TPD52L2: variants seen among roughly 807,000 people sequenced by gnomAD.
The protein encoded by TPD52L2 is TPD52 like 2, also known as tumor protein D54.
TPD52L2 carries 19 observed loss-of-function variants against 24.7 expected under a neutral mutation model. The ratio of observed to expected loss-of-function variants is 0.77; its 90% CI spans 0.54 to 1.13. The LOEUF (loss-of-function observed/expected upper bound fraction) is 1.13, where lower values mean the gene tolerates loss of function less well. Ranked by LOEUF, TPD52L2 falls within the 50% of genes most tolerant of loss-of-function variation. The pLI is 0.00. For synonymous variants in TPD52L2, 104 were observed against 100.2 expected (o/e 1.04, Z -0.23); for missense variants, 236 against 250.4 (o/e 0.94, Z 0.39).
chr20:63,869,412 G>A lies in TPD52L2; in HGVS notation c.136G>A (p.Glu46Lys). 1.9e-6 allele frequency: 3 copies of A among 1,614,218 alleles called. No individual in the cohort carries two copies. Among genetic ancestry groups the A allele is most frequent in the South Asian group, 1.1e-5 (1 of 91,084 alleles). Residue 46 changes from glutamate to lysine, a missense_variant, in exon 2 of 7, where the codon GAG (glutamate) becomes AAG (lysine). Transcript: ENST00000346249. The stretch of plus-strand genomic sequence containing the variant: ...TGTTGAGGGTCTGACAGAGGCTGAG[G>A]AGGAGGAGCTCAGGGCTGAGCTTAC... Reference protein sequence around the residue: ...PAVEGLTEAEEEELRAELTKV... With the variant: ...PAVEGLTEAEKEELRAELTKV...
At position 63,875,300 on chromosome 20, in the gene TPD52L2, T is replaced by G. The variant is rs143588561; in HGVS notation, c.315-516T>G. Among the ~76,000 whole-genome samples the G allele has an allele frequency of 3.0e-3, 459 of 152,122 alleles. 2 individuals carry two copies. Among genetic ancestry groups the G allele is most frequent in the African/African-American group, 1.0e-2 (413 of 41,506 alleles). Reference sequence around the variant, plus strand: ...TCCCAGATGTCGCTCAGCTCTGAATTTGGGGAGTGCTGCTTTCTCACTTGG... The same window carrying G: ...TCCCAGATGTCGCTCAGCTCTGAATGTGGGGAGTGCTGCTTTCTCACTTGG... On this transcript the variant is annotated intron_variant, in intron 3 of 6. Coordinates refer to ENST00000346249, the MANE Select transcript of TPD52L2 (RefSeq NM_003288.4).
At chr20:63,885,921 G>C in intron 5 of TPD52L2, 1 of 1,339,338 alleles carries the variant, frequency 7.5e-7, no homozygotes, top group Non-Finnish European at 1.1e-6. Flanking sequence ...CGAGCAGGGG[G>C]CCTCCCCTGG....
At position 63,883,832 on chromosome 20, in the gene TPD52L2, GCCTGCCTGCCTC is replaced by G. The variant is rs544242072; in HGVS notation, c.476+1024_476+1035del. Among the ~76,000 whole-genome samples, 7 of 147,236 alleles carry G rather than the reference GCCTGCCTGCCTC, an allele frequency of 4.8e-5. No individual in the cohort carries two copies. In the East Asian group the frequency reaches 1.4e-3, roughly 30 times the overall value. On this transcript the variant is annotated intron_variant, in intron 5 of 6. Coordinates refer to ENST00000346249, the MANE Select transcript of TPD52L2 (RefSeq NM_003288.4). ...CTCCTGCTGGGCTGCCTGCCTGCCT[GCCTGCCTGCCTC>G]CCTGCCTGCCTGCCTTAGGTTAGGT...
At chr20:63,872,916 T>C (rs971945797) in intron 2 of TPD52L2, among the ~76,000 whole-genome samples, 46 of 151,468 alleles carry the variant, frequency 3.0e-4, no homozygotes, top group African/African-American at 1.0e-3. Flanking sequence ...GTGTTAACTG[T>C]GTTAGCCAGG....
At chr20:63,885,409 A>G (rs1318989984) in intron 5 of TPD52L2, among the ~76,000 whole-genome samples, 1 of 152,228 alleles carries the variant, frequency 6.6e-6, no homozygotes, top group Non-Finnish European at 1.5e-5. Flanking sequence ...CCTCCATGTC[A>G]GAGTGGGCCT....
At chr20:63,880,612 T>C (rs2052856336) in intron 4 of TPD52L2, among the ~76,000 whole-genome samples, 2 of 152,222 alleles carry the variant, frequency 1.3e-5, no homozygotes. Flanking sequence ...ATTTTTGGGC[T>C]GGGCACGGTG....
chr20:63,865,393 C>A lies in TPD52L2; in HGVS notation c.19+9C>A. On this transcript the variant is annotated intron_variant, in intron 1 of 6. Coordinates refer to ENST00000346249, the MANE Select transcript of TPD52L2 (RefSeq NM_003288.4). ...GGACTCCGCCGGCCAAGGTACCTGC[C>A]GGGCCCGGCCCCTTCGCCGCAGATG... The A allele has an allele frequency of 1.3e-6, 2 of 1,529,590 alleles. No individual in the cohort carries two copies. Among genetic ancestry groups the A allele is most frequent in the Non-Finnish European group, 1.7e-6 (2 of 1,143,538 alleles). 94.8% of individuals were successfully genotyped at this position (1,529,590 alleles called of 1,614,324 possible).
intron 2 of TPD52L2, among the ~76,000 whole-genome samples, chr20:63,873,053 A>G (rs1165290875): frequency 4.0e-5 from 6 of 151,798 alleles, no homozygotes; most frequent in African/African-American, 1.5e-4. Flanking sequence ...CCTAGTAAAG[A>G]GCTCGGACAA....
chr20:63,882,262 T>G (rs2052928221), intron 4 of TPD52L2, among the ~76,000 whole-genome samples: 1 of 152,238 alleles, frequency 6.6e-6, no homozygotes, highest in Non-Finnish European at 1.5e-5. Flanking sequence ...CATGGGCCGG[T>G]CAGGGCACTG....
At chr20:63,882,114 G>C (rs1568954619) in intron 4 of TPD52L2, among the ~76,000 whole-genome samples, 1 of 152,264 alleles carries the variant, frequency 6.6e-6, no homozygotes, top group Non-Finnish European at 1.5e-5. Flanking sequence ...GGCACACGGG[G>C]CCCCGCCGTC....
rs970722074 is a variant in TPD52L2 at position 63,877,228 on chromosome 20, T to C, written c.374+1353T>C. The C allele has an allele frequency of 1.8e-5, 6 of 339,120 alleles. No homozygotes were observed. Among genetic ancestry groups the C allele is most frequent in the Admixed American group, 8.7e-5 (2 of 22,910 alleles). The allele number at this position is 339,120 out of a possible 1,614,324, so 21.0% of individuals were successfully genotyped here. ...TTTTAGTAGAGACAGGATTTCACCA[T>C]GTCAGCCAGGATGGTCTCAATCTCC... On this transcript the variant is annotated intron_variant, in intron 4 of 6. Coordinates refer to ENST00000346249, the MANE Select transcript of TPD52L2 (RefSeq NM_003288.4). The surrounding 1 kb of genome is among the most constrained non-coding windows in gnomAD (Gnocchi z 4.1).
chr20:63,889,329 C>T (rs1036424570), intron 6 of TPD52L2, 91 bp downstream of exon 6: 3 of 1,120,746 alleles, frequency 2.7e-6, no homozygotes, highest in Admixed American at 1.9e-5. Flanking sequence ...ATGGTAGACT[C>T]ACATACAGTT....
intron 3 of TPD52L2, among the ~76,000 whole-genome samples, chr20:63,875,152 AATAT>A (rs565813974): frequency 1.4e-5 from 2 of 141,736 alleles, no homozygotes; most frequent in African/African-American, 5.3e-5. Context: ...AAAAAAAAAA[AATAT>A]ATATATATAT....
chr20:63,886,882 A>T (rs562905174), intron 5 of TPD52L2: 40 of 153,974 alleles, frequency 2.6e-4, no homozygotes, highest in Admixed American at 1.1e-3. Flanking sequence ...TGACCTCGTG[A>T]TCCACCCGCC....
Position 63,890,274 on chromosome 20 carries a change from A to G in TPD52L2, c.*329A>G, listed in dbSNP as rs1190309675. 3 of 472,396 alleles carry G rather than the reference A, an allele frequency of 6.4e-6. No homozygotes were observed. The Admixed American group carries it at 1.2e-4, about 18-fold the overall frequency. The allele number at this position is 472,396 out of a possible 1,614,324, so 29.3% of individuals were successfully genotyped here. The stretch of plus-strand genomic sequence containing the variant: ...CCTTTGGGAATCATGTTAGCCCATC[A>G]GAATGTTGAAGGATTGAAGAGTTCT... On this transcript the variant is annotated 3_prime_UTR_variant, in exon 7 of 7. Transcript: ENST00000346249.
intron 2 of TPD52L2, among the ~76,000 whole-genome samples, chr20:63,871,929 C>T (rs373705378): frequency 5.5e-4 from 83 of 152,028 alleles, no homozygotes; most frequent in African/African-American, 1.6e-3. Flanking sequence ...CTATCGTACC[C>T]GGCCAAGAAA....
chr20:63,881,624 C>T (rs572233992), intron 4 of TPD52L2, among the ~76,000 whole-genome samples: 1 of 152,306 alleles, frequency 6.6e-6, no homozygotes, highest in South Asian at 2.1e-4. Context: ...CCTGTGCCTT[C>T]TCTGGCGCCA....
intron 1 of TPD52L2, among the ~76,000 whole-genome samples, chr20:63,865,621 G>T (rs1047880523): frequency 2.0e-5 from 3 of 152,190 alleles, no homozygotes; most frequent in Non-Finnish European, 4.4e-5. Context: ...GGTCTCCCCT[G>T]GGACCGTTCC....
intron 5 of TPD52L2, chr20:63,887,123 G>A (rs1054384326): frequency 1.0e-5 from 3 of 297,398 alleles, no homozygotes; most frequent in Non-Finnish European, 1.9e-5. Flanking sequence ...TCTAGGCCAA[G>A]CCGGGGCGCC....
Sources: allele counts gnomAD v4.1 joint callset (sites outside exome capture counted in the v4.1 genomes callset), GRCh38; gene constraint gnomAD v4.1.1; non-coding constraint Gnocchi (gnomAD v3.1); transcripts MANE v1.5; gene names NCBI Gene and HGNC (gene_info 2026-07-23, HGNC 2026-07-21).